The following LTBP1 variants were observed in gnomAD, a reference collection of about 807,000 sequenced individuals.
The protein encoded by LTBP1 is latent-transforming growth factor beta-binding protein 1.
In LTBP1, 129 loss-of-function variants were observed where a neutral mutation model predicts 207.6. The observed-to-expected ratio is 0.62, with a 90% CI of 0.54 to 0.72. LTBP1 has a LOEUF of 0.72. Among genes scored for constraint, LTBP1 ranks in the 30% least tolerant of loss-of-function variants. LTBP1 has a pLI of 0.00. For synonymous variants in LTBP1, 963 were observed against 833.7 expected, an observed-to-expected ratio of 1.16 and a Z score of -2.67; for missense variants, 2,281 against 2,217.2, an observed-to-expected ratio of 1.03 and a Z score of -0.58.
intron 2 of LTBP1, among the ~76,000 whole-genome samples, chr2:32,977,285 C>T (rs933373585): frequency 5.3e-5 from 8 of 152,162 alleles, no homozygotes; most frequent in Non-Finnish European, 7.4e-5. Flanking sequence ...CTCTAGCAGG[C>T]GTGGCCCACC....
chr2:32,979,831 A>G (rs1682481616), intron 2 of LTBP1, among the ~76,000 whole-genome samples: 1 of 152,136 alleles, frequency 6.6e-6, no homozygotes. Context: ...GTTTAGCTCT[A>G]CTAATATTTG....
chr2:32,975,906 C>T (rs559712507), intron 2 of LTBP1, among the ~76,000 whole-genome samples: 1 of 152,236 alleles, frequency 6.6e-6, no homozygotes, highest in South Asian at 2.1e-4. Context: ...TCTGTCATTT[C>T]AGCCATTTCA....
chr2:33,127,667 A>G (rs762269473), intron 4 of LTBP1, among the ~76,000 whole-genome samples: 2 of 152,226 alleles, frequency 1.3e-5, no homozygotes, highest in Non-Finnish European at 2.9e-5. Flanking sequence ...ACTGAGGCCA[A>G]AGGAAGGTGG....
chr2:32,985,316 G>T (rs1458678703), intron 2 of LTBP1, among the ~76,000 whole-genome samples: 2 of 151,996 alleles, frequency 1.3e-5, no homozygotes, highest in African/African-American at 4.8e-5. Flanking sequence ...AGCTCTACAT[G>T]GATTACTTCA....
At chr2:33,044,523 A>C (rs1466816551) in intron 3 of LTBP1, among the ~76,000 whole-genome samples, 1 of 152,184 alleles carries the variant, frequency 6.6e-6, no homozygotes, top group Non-Finnish European at 1.5e-5. Context: ...ATTGATGAGC[A>C]TTTGGGTTGA....
At chr2:33,056,576 G>A (rs778214437) in intron 3 of LTBP1, 6 of 403,086 alleles carry the variant, frequency 1.5e-5, no homozygotes, top group Non-Finnish European at 2.3e-5. Flanking sequence ...GAGTGAAGCC[G>A]CGGACCCTCG....
At chr2:33,115,328 G>T (rs149850906) in intron 4 of LTBP1, among the ~76,000 whole-genome samples, 1 of 152,052 alleles carries the variant, frequency 6.6e-6, no homozygotes, top group Non-Finnish European at 1.5e-5. Context: ...GAAGATTAGC[G>T]GTTGCCAGGG....
chr2:33,150,710 CTTTTTTTTTTTTT>C lies in LTBP1; in HGVS notation c.1201+15764_1201+15776del, dbSNP rs1176008947. 4.0e-3 allele frequency among the ~76,000 whole-genome samples: 275 copies of C among 69,318 alleles called. 2 individuals carry two copies. In the Middle Eastern group the frequency reaches 0.054, roughly 14 times the overall value. 45.5% of individuals were successfully genotyped at this position (69,318 alleles called of 152,430 possible). ...CTTTTCTTTTTTCTTTTTTCTTTTT[CTTTTTTTTTTTTT>C]TTTTTTTTTTTTTGAGACAGAGTCT... On this transcript the variant is annotated intron_variant, in intron 5 of 33. Coordinates refer to ENST00000404816, the MANE Select transcript of LTBP1 (RefSeq NM_206943.4).
intron 5 of LTBP1, among the ~76,000 whole-genome samples, chr2:33,138,234 G>A (rs2082298714): frequency 6.6e-6 from 1 of 152,200 alleles, no homozygotes; most frequent in Admixed American, 6.5e-5. Context: ...TGAGCATGCA[G>A]TCTCTGTTCT....
intron 9 of LTBP1, among the ~76,000 whole-genome samples, chr2:33,236,112 A>G (rs1036214765): frequency 1.3e-5 from 2 of 152,256 alleles, no homozygotes; most frequent in African/African-American, 4.8e-5. Context: ...AAATAATAGT[A>G]GAAAACCAAC....
chr2:33,351,913 C>A (rs1020754724), intron 26 of LTBP1, among the ~76,000 whole-genome samples: 4 of 152,082 alleles, frequency 2.6e-5, no homozygotes, highest in Non-Finnish European at 5.9e-5. Context: ...TATGTTATTC[C>A]CCTGGGATAT....
intron 18 of LTBP1, among the ~76,000 whole-genome samples, chr2:33,276,392 A>G (rs1305789684): frequency 2.0e-5 from 3 of 152,246 alleles, no homozygotes; most frequent in Non-Finnish European, 4.4e-5. Flanking sequence ...AACTTTGGTC[A>G]GATTCCAACT....
intron 24 of LTBP1, among the ~76,000 whole-genome samples, chr2:33,322,559 A>G (rs1034852555): frequency 1.2e-4 from 18 of 152,222 alleles, no homozygotes; most frequent in Non-Finnish European, 1.6e-4. Flanking sequence ...TTATTAAAAC[A>G]GTAGCAAGAA....
intron 2 of LTBP1, among the ~76,000 whole-genome samples, chr2:32,993,969 A>AGAGTGTGTGTGT (rs1684843489): frequency 7.2e-6 from 1 of 138,384 alleles, no homozygotes; most frequent in Non-Finnish European, 1.6e-5. Context: ...CAGTTAGGGG[A>AGAGTGTGTGTGT]GTGTGTGTGT....
intron 19 of LTBP1, among the ~76,000 whole-genome samples, chr2:33,288,990 T>C (rs565632083): frequency 6.6e-6 from 1 of 152,268 alleles, no homozygotes; most frequent in South Asian, 2.1e-4. Flanking sequence ...AAAAAGGAAG[T>C]GATGATTATA....
At chr2:33,252,596 A>G in intron 10 of LTBP1, 81 bp from the exon 11 acceptor site, 1 of 1,303,362 alleles carries the variant, frequency 7.7e-7, no homozygotes, top group Non-Finnish European at 1.1e-6. Flanking sequence ...TTCATACCTT[A>G]GGGTTCATTT....
chr2:33,012,436 T>G (rs1161316487), intron 2 of LTBP1, among the ~76,000 whole-genome samples: 1 of 152,202 alleles, frequency 6.6e-6, no homozygotes, highest in Non-Finnish European at 1.5e-5. Flanking sequence ...ACAAACCATT[T>G]CTAAGAATTC....
chr2:33,385,898 G>C (rs2095261677), intron 31 of LTBP1, among the ~76,000 whole-genome samples: 1 of 152,200 alleles, frequency 6.6e-6, no homozygotes, highest in Non-Finnish European at 1.5e-5. Context: ...AAACTGTCTT[G>C]GAGCTTGGAA....
At chr2:33,014,310 T>C (rs1355160742) in intron 2 of LTBP1, among the ~76,000 whole-genome samples, 1 of 152,150 alleles carries the variant, frequency 6.6e-6, no homozygotes, top group Non-Finnish European at 1.5e-5. Context: ...CCAGAGACAT[T>C]TACAACGAAA....
Sources: allele counts gnomAD v4.1 joint callset (sites outside exome capture counted in the v4.1 genomes callset), GRCh38; gene constraint gnomAD v4.1.1; transcripts MANE v1.5; gene names NCBI Gene and HGNC (gene_info 2026-07-23, HGNC 2026-07-21).